GRIA1: variants seen among roughly 807,000 people sequenced by gnomAD.
GRIA1 encodes glutamate ionotropic receptor AMPA type subunit 1, also known as glutamate receptor 1.
Under a neutral mutation model 99.2 loss-of-function variants are expected in GRIA1, and 31 were observed. That is an observed-to-expected ratio of 0.31 (90% CI 0.23 to 0.42). The LOEUF (loss-of-function observed/expected upper bound fraction) is 0.42. GRIA1 is among the 10% of genes least tolerant of loss of function. The pLI is 1.00. For synonymous variants in GRIA1, 438 were observed against 432.4 expected, an observed-to-expected ratio of 1.01 and a Z score of -0.16; for missense variants, 782 against 1,157.5, an observed-to-expected ratio of 0.68 and a Z score of 4.71.
At chr5:153,526,720 A>C (rs1757632021) in intron 2 of GRIA1, among the ~76,000 whole-genome samples, 1 of 152,230 alleles carries the variant, frequency 6.6e-6, no homozygotes, top group South Asian at 2.1e-4. Flanking sequence ...TGCAGGAGGC[A>C]GATCCTATTT....
intron 2 of GRIA1, among the ~76,000 whole-genome samples, chr5:153,545,265 T>C (rs1366117212): frequency 6.6e-6 from 1 of 152,156 alleles, no homozygotes; most frequent in African/African-American, 2.4e-5. Flanking sequence ...GAACGACAGT[T>C]ATGATAGTTC....
intron 2 of GRIA1, among the ~76,000 whole-genome samples, chr5:153,586,928 ACTTCTC>A (rs1763534776): frequency 6.6e-6 from 1 of 152,212 alleles, no homozygotes; most frequent in South Asian, 2.1e-4. Context: ...CAGGGTCTTA[ACTTCTC>A]CTCACTGCTG....
At chr5:153,623,826 G>T (rs533166595) in intron 2 of GRIA1, among the ~76,000 whole-genome samples, 12 of 152,274 alleles carry the variant, frequency 7.9e-5, no homozygotes, top group African/African-American at 1.2e-4. Flanking sequence ...TAAGAAGATG[G>T]CTGTTTAAGG....
At chr5:153,493,213 G>C (rs904818047) in intron 1 of GRIA1, among the ~76,000 whole-genome samples, 3 of 152,196 alleles carry the variant, frequency 2.0e-5, no homozygotes, top group African/African-American at 7.2e-5. Context: ...GAAGCACAAG[G>C]TTCCACCATG....
Position 153,677,156 on chromosome 5 carries a change from C to A in GRIA1, c.1024C>A (p.Gln342Lys), listed in dbSNP as rs1756648115. ...AGGGATCGACATCCAGAGAGCTCTGCAGCAGGTAAGACCACCAATGTTTGC... is the reference window on the plus strand; with the variant it reads ...AGGGATCGACATCCAGAGAGCTCTGAAGCAGGTAAGACCACCAATGTTTGC... ...GQGIDIQRAL[Q>K]QVRFEGLTGN... is the part of the protein sequence containing the mutation. The change falls in exon 7 of 16, where the codon CAG becomes AAG. Residue 342 changes from glutamine to lysine, a missense_variant. This residue lies in a region of GRIA1 where 461 missense variants were observed against 521.7 expected (regional missense o/e 0.88). Coordinates refer to ENST00000285900, the MANE Select transcript of GRIA1 (RefSeq NM_000827.4). 2.7e-6 allele frequency: 4 copies of A among 1,496,354 alleles called. No homozygotes were observed. Among genetic ancestry groups the A allele is most frequent in the East Asian group, 2.5e-5 (1 of 39,770 alleles). The allele number at this position is 1,496,354 out of a possible 1,614,324, so 92.7% of individuals were successfully genotyped here.
At chr5:153,659,407 TG>T (rs1361396746) in intron 5 of GRIA1, among the ~76,000 whole-genome samples, 1 of 152,312 alleles carries the variant, frequency 6.6e-6, no homozygotes, top group East Asian at 1.9e-4. Context: ...CAGATGTGCC[TG>T]GGTCCTGGAA....
chr5:153,647,802 T>C lies in GRIA1; in HGVS notation c.460+635T>C, dbSNP rs562836383. 4.6e-5 allele frequency among the ~76,000 whole-genome samples: 7 copies of C among 152,330 alleles called. No individual in the cohort carries two copies. In the East Asian group the frequency reaches 1.4e-3, roughly 29 times the overall value. On this transcript the variant is annotated intron_variant, in intron 3 of 15. Transcript: ENST00000285900. ...TTAACATCACATTTTCCAAATGTTT[T>C]CTATACTTTTTCTTCTCTATGTCTT... is the stretch of plus-strand genomic sequence containing the variant.
intron 2 of GRIA1, among the ~76,000 whole-genome samples, chr5:153,497,561 C>G (rs1040832980): frequency 1.3e-5 from 2 of 152,144 alleles, no homozygotes; most frequent in African/African-American, 4.8e-5. Context: ...CCCAGAGGTT[C>G]ACAAACTTCA....
chr5:153,676,935 C>G, intron 6 of GRIA1, 59 bp from the exon 7 acceptor site: 3 of 1,313,654 alleles, frequency 2.3e-6, no homozygotes, highest in Non-Finnish European at 3.0e-6. Flanking sequence ...ATACAGCACC[C>G]AAACCTGCCT....
chr5:153,623,709 C>T (rs904046475), intron 2 of GRIA1, among the ~76,000 whole-genome samples: 3 of 152,148 alleles, frequency 2.0e-5, no homozygotes, highest in Admixed American at 1.3e-4. Flanking sequence ...AGCTTCATCA[C>T]GCCCAGGGGA....
intron 11 of GRIA1, among the ~76,000 whole-genome samples, chr5:153,712,644 G>A (rs1581519597): frequency 7.7e-6 from 1 of 129,946 alleles, no homozygotes; most frequent in Non-Finnish European, 1.7e-5. Flanking sequence ...ATTGAGGCAA[G>A]TTGATGAAGG....
rs563194672 is a variant in GRIA1 at position 153,677,054 on chromosome 5, C to A, written c.922C>A (p.Arg308=). The A allele has an allele frequency of 2.5e-6, 4 of 1,576,032 alleles. No homozygotes were observed. The South Asian group carries it at 3.5e-5, about 14-fold the overall frequency. Residue 308 remains arginine, a synonymous_variant, in exon 7 of 16, where the codon CGG becomes AGG. Coordinates refer to ENST00000285900, the MANE Select transcript of GRIA1 (RefSeq NM_000827.4). ...KVMAEAFQSL[R]RQRIDISRRG... ...GATGGCTGAGGCTTTCCAGAGCCTG[C>A]GGAGGCAGAGAATTGATATATCTCG...
At chr5:153,533,315 T>A (rs1758254014) in intron 2 of GRIA1, among the ~76,000 whole-genome samples, 1 of 151,838 alleles carries the variant, frequency 6.6e-6, no homozygotes, top group South Asian at 2.1e-4. Flanking sequence ...GAAACGTCAC[T>A]GTTGGCCAGC....
chr5:153,808,605 C>G (rs1235926565), intron 15 of GRIA1, among the ~76,000 whole-genome samples: 1 of 152,176 alleles, frequency 6.6e-6, no homozygotes, highest in Non-Finnish European at 1.5e-5. Flanking sequence ...TACACCACAC[C>G]AGCATCTCTA....
Position 153,647,122 on chromosome 5 carries a change from C to T in GRIA1, c.415C>T (p.His139Tyr), listed in dbSNP as rs532235289. The T allele has an allele frequency of 2.9e-5, 47 of 1,613,894 alleles. No homozygotes were observed. In the South Asian group the frequency reaches 4.3e-4, roughly 15 times the overall value. Residue 139 changes from histidine to tyrosine, a missense_variant, in exon 3 of 16, where the codon CAT becomes TAT. Physicochemically the swap from His to Tyr is moderately conservative, Grantham distance 83 (BLOSUM62 2). This residue lies in a region of GRIA1 where 461 missense variants were observed against 521.7 expected (regional missense o/e 0.88). Coordinates refer to ENST00000285900, the MANE Select transcript of GRIA1 (RefSeq NM_000827.4). ...LQDALISIIDHYKWQKFVYIY... is the reference protein window; with the variant it reads ...LQDALISIIDYYKWQKFVYIY... ...GGATGCCCTCATCAGCATCATTGAC[C>T]ATTACAAGTGGCAGAAATTTGTCTA... is the stretch of plus-strand genomic sequence containing the variant.
At chr5:153,705,615 A>G (rs1758831020) in intron 10 of GRIA1, 82 bp from the exon 11 acceptor site, 2 of 1,426,474 alleles carry the variant, frequency 1.4e-6, no homozygotes, top group Non-Finnish European at 1.8e-6. Context: ...AATAGTCACA[A>G]TGAGAAGAAA....
intron 11 of GRIA1, among the ~76,000 whole-genome samples, chr5:153,710,990 A>T (rs1034163432): frequency 6.6e-6 from 1 of 152,184 alleles, no homozygotes; most frequent in African/African-American, 2.4e-5. Context: ...AAGAGACATA[A>T]ATAGCCATAT....
rs552538389 is a variant in GRIA1 at position 153,510,398 on chromosome 5, T to G, written c.220+16333T>G. 5.9e-5 allele frequency among the ~76,000 whole-genome samples: 9 copies of G among 152,318 alleles called. No homozygotes were observed. In the East Asian group the frequency reaches 1.7e-3, roughly 29 times the overall value. ...GCTTTCTTGCCTTAGTGAGATGACTTTGTTGATCCTAGTTTAAAGTTGCCT... is the reference window on the plus strand; with the variant it reads ...GCTTTCTTGCCTTAGTGAGATGACTGTGTTGATCCTAGTTTAAAGTTGCCT... On this transcript the variant is annotated intron_variant, in intron 2 of 15. Transcript: ENST00000285900.
chr5:153,584,167 C>T (rs544750780), intron 2 of GRIA1, among the ~76,000 whole-genome samples: 2 of 152,280 alleles, frequency 1.3e-5, no homozygotes, highest in South Asian at 2.1e-4. Flanking sequence ...CCAAGTTGTA[C>T]TCATGTTGCC....
Sources: allele counts gnomAD v4.1 joint callset (sites outside exome capture counted in the v4.1 genomes callset), GRCh38; gene constraint gnomAD v4.1.1; regional missense constraint gnomAD v4.1.1; transcripts MANE v1.5; gene names NCBI Gene and HGNC (gene_info 2026-07-23, HGNC 2026-07-21).